The following MTDH variants were observed in gnomAD, a reference collection of about 807,000 sequenced individuals.
MTDH encodes metadherin, also known as protein LYRIC.
Under a neutral mutation model 72.7 loss-of-function variants are expected in MTDH, and 34 were observed. That is an observed-to-expected ratio of 0.47 (90% confidence interval 0.36 to 0.62). The LOEUF (loss-of-function observed/expected upper bound fraction) is 0.62, where lower values mean the gene tolerates loss of function less well. MTDH is among the 20% of genes least tolerant of loss of function. MTDH has a pLI of 0.00. For synonymous variants in MTDH, 266 were observed against 268.9 expected, an observed-to-expected ratio of 0.99 and a Z score of 0.10; for missense variants, 677 against 699.4, an observed-to-expected ratio of 0.97 and a Z score of 0.36.
chr8:97,651,821 T>C (rs546819612), intron 1 of MTDH, among the ~76,000 whole-genome samples: 1 of 152,262 alleles, frequency 6.6e-6, no homozygotes, highest in Admixed American at 6.5e-5. Flanking sequence ...TCTCAAACTT[T>C]TAACATCTCC....
rs534055622 is a variant in MTDH, at chr8:97,724,270, T to C, written c.1679-330T>C. 1.3e-5 allele frequency among the ~76,000 whole-genome samples: 2 copies of C among 152,320 alleles called. 1 individual carries two copies. The highest frequency in any genetic ancestry group is 3.9e-4 in the East Asian group (2 of 5,186). On this transcript the variant is annotated intron_variant, in intron 11 of 11. Transcript: ENST00000336273. The stretch of plus-strand genomic sequence containing the variant: ...ATTATTCTATGCTTTTTTTCCTCCT[T>C]TACTCTCTTCAGCTACCTTTAGTAT...
rs920277419 is a variant in MTDH at position 97,644,216 on chromosome 8, G to A, written c.-291G>A. The A allele has an allele frequency of 8.7e-5, 39 of 445,738 alleles. No homozygotes were observed. Among genetic ancestry groups the A allele is most frequent in the African/African-American group, 6.7e-4 (32 of 47,836 alleles). 27.6% of individuals were successfully genotyped at this position (445,738 alleles called of 1,614,324 possible). On this transcript the variant is annotated 5_prime_UTR_variant, in exon 1 of 12. Coordinates refer to ENST00000336273, the MANE Select transcript of MTDH (RefSeq NM_178812.4). ...CATTGTTCCGCCGAGGGAGGACAGC[G>A]GGGCCTGGCGCTGGCGCCGAGACGC...
Position 97,713,186 on chromosome 8 carries a change from G to A in MTDH, c.1273-476G>A, listed in dbSNP as rs1395771103. Among the ~76,000 whole-genome samples the A allele has an allele frequency of 3.9e-5, 6 of 152,220 alleles. No homozygotes were observed. The South Asian group carries it at 8.3e-4, about 21-fold the overall frequency. ...TGCAAGCTCCGCCTCCTGGGTTCAC[G>A]CCATTCTCCTGCTTTAGCCTCCCGA... On this transcript the variant is annotated intron_variant, in intron 8 of 11. Coordinates refer to ENST00000336273, the MANE Select transcript of MTDH (RefSeq NM_178812.4).
chr8:97,710,823 A>C (rs1814600197), intron 8 of MTDH, among the ~76,000 whole-genome samples: 1 of 152,090 alleles, frequency 6.6e-6, no homozygotes, highest in African/African-American at 2.4e-5. Context: ...AACAAGGTGA[A>C]ACCCCATCTC....
At chr8:97,709,160 C>CT (rs1814514756) in intron 8 of MTDH, among the ~76,000 whole-genome samples, 1 of 150,222 alleles carries the variant, frequency 6.7e-6, no homozygotes, top group African/African-American at 2.5e-5. Flanking sequence ...TGCCACTGCA[C>CT]TCCAGCCTGG....
At chr8:97,684,808 G>A (rs573041326) in intron 2 of MTDH, among the ~76,000 whole-genome samples, 2 of 152,298 alleles carry the variant, frequency 1.3e-5, no homozygotes, top group South Asian at 4.1e-4. Flanking sequence ...AGCAGCTCAC[G>A]CCTATAATCC....
chr8:97,653,640 T>C (rs1161250609), intron 1 of MTDH, among the ~76,000 whole-genome samples: 3 of 152,210 alleles, frequency 2.0e-5, no homozygotes, highest in Non-Finnish European at 4.4e-5. Flanking sequence ...ACATTCATTT[T>C]TGTTGTGCTT....
chr8:97,687,565 T>TA lies in MTDH; in HGVS notation c.706dup (p.Thr236AsnfsTer13). The TA allele has an allele frequency of 2.5e-6, 4 of 1,611,786 alleles. No individual in the cohort carries two copies. The highest frequency in any genetic ancestry group is 3.4e-6 in the Non-Finnish European group (4 of 1,179,106). On this transcript the variant is annotated frameshift_variant, in exon 4 of 12. Coordinates refer to ENST00000336273, the MANE Select transcript of MTDH (RefSeq NM_178812.4). LOFTEE classifies it high-confidence loss of function. ...CCATCACAGTTACCACCGAGCAACT[T>TA]ACAACCGCATCATTTCCTGTTGGTT...
chr8:97,718,794 T>A (rs1814985048), intron 9 of MTDH, among the ~76,000 whole-genome samples: 1 of 151,802 alleles, frequency 6.6e-6, no homozygotes, highest in Non-Finnish European at 1.5e-5. Context: ...TCTCTCAGGC[T>A]CAAGTAGTCC....
intron 2 of MTDH, 49 bp downstream of exon 2, chr8:97,661,222 A>T (rs777683435): frequency 1.5e-6 from 2 of 1,307,722 alleles, no homozygotes; most frequent in Admixed American, 3.9e-5. Context: ...TAATAGAATG[A>T]CATATAAGGA....
intron 9 of MTDH, among the ~76,000 whole-genome samples, chr8:97,714,076 C>A (rs1814748624): frequency 6.6e-6 from 1 of 151,970 alleles, no homozygotes; most frequent in Admixed American, 6.6e-5. Context: ...ACAAAAATTC[C>A]TTTTGAGTAA....
intron 8 of MTDH, among the ~76,000 whole-genome samples, 170 bp downstream of exon 8, chr8:97,706,920 AAAAAT>A (rs1483881029): frequency 1.3e-5 from 2 of 152,148 alleles, no homozygotes; most frequent in Non-Finnish European, 2.9e-5. Context: ...CTCTATTTAT[AAAAAT>A]AAAATAAAGC....
chr8:97,686,698 G>A lies in MTDH; in HGVS notation c.514G>A (p.Asp172Asn), dbSNP rs1471494393. The change falls in exon 3 of 12, where the codon GAT becomes AAT. Residue 172 changes from aspartate (D) to asparagine (N), a missense_variant. Physicochemically the swap from Asp to Asn is conservative, Grantham distance 23. This residue lies in a region of MTDH where 467 missense variants were observed against 469.1 expected (regional missense o/e 1.00). Transcript: ENST00000336273. ...SKKNKKKSKSDAKAVQNSSRH... is the reference protein window; with the variant it reads ...SKKNKKKSKSNAKAVQNSSRH... ...GAAAAATAAGAAGAAATCAAAGTCA[G>A]ATGCTAAAGCAGTGCAAAACAGTTC... 11 of 1,580,642 alleles carry A rather than the reference G, an allele frequency of 7.0e-6. No homozygotes were observed. Among genetic ancestry groups the A allele is most frequent in the Non-Finnish European group, 9.4e-6 (11 of 1,165,608 alleles).
chr8:97,644,847 A>C lies in MTDH; in HGVS notation c.341A>C (p.Gln114Pro). 1 of 1,573,876 alleles carries C rather than the reference A, an allele frequency of 6.4e-7. No homozygotes were observed. The highest frequency in any genetic ancestry group is 8.6e-7 in the Non-Finnish European group (1 of 1,167,742). The change falls in exon 1 of 12, where the codon CAG becomes CCG. Residue 114 changes from glutamine (Q) to proline (P), a missense_variant. Gln to Pro is a moderately conservative substitution (Grantham distance 76). This residue lies in a region of MTDH where 467 missense variants were observed against 469.1 expected (regional missense o/e 1.00). Transcript: ENST00000336273. ...ALLKNLRSEE[Q>P]KKKNRKKLSE... ...CTGAAGAATCTCCGGAGCGAGGAAC[A>C]GAAGAAGAAGAACCGGAAGAAACTG...
chr8:97,694,743 T>A (rs553213634), intron 6 of MTDH, among the ~76,000 whole-genome samples: 1 of 151,836 alleles, frequency 6.6e-6, no homozygotes, highest in East Asian at 2.0e-4. Context: ...GGCAACATGG[T>A]GAAACCTTGT....
chr8:97,667,465 A>T (rs148734811), intron 2 of MTDH, among the ~76,000 whole-genome samples: 2 of 152,250 alleles, frequency 1.3e-5, no homozygotes, highest in Admixed American at 1.3e-4. Flanking sequence ...ATGAAGACTG[A>T]TGATTGTCTT....
chr8:97,677,846 T>C (rs1444307433), intron 2 of MTDH, among the ~76,000 whole-genome samples: 2 of 152,212 alleles, frequency 1.3e-5, no homozygotes, highest in Admixed American at 6.5e-5. Context: ...GACAAAATTT[T>C]ACTGAATTTA....
In MTDH at chr8:97,683,045, CTTTTTTTTTTTTTTTTTTTT is replaced by C. The variant is rs71271144; in HGVS notation, c.484-3605_484-3586del. On this transcript the variant is annotated intron_variant, in intron 2 of 11. Coordinates refer to ENST00000336273, the MANE Select transcript of MTDH (RefSeq NM_178812.4). The stretch of plus-strand genomic sequence containing the variant: ...CTTTACCCTATGATGCTCTTAGACA[CTTTTTTTTTTTTTTTTTTTT>C]TTTTTTTTTTTTTTTTTGAGATGGA... 5.1e-3 allele frequency among the ~76,000 whole-genome samples: 227 copies of C among 44,382 alleles called. 4 individuals carry two copies. The highest frequency in any genetic ancestry group is 0.013 in the African/African-American group (156 of 12,030). 29.1% of individuals were successfully genotyped at this position (44,382 alleles called of 152,430 possible).
intron 2 of MTDH, among the ~76,000 whole-genome samples, chr8:97,675,663 A>G (rs565575824): frequency 2.0e-5 from 3 of 152,188 alleles, no homozygotes; most frequent in Admixed American, 2.0e-4. Flanking sequence ...CTTGAGCTCA[A>G]GAGTTCGAAA....
Sources: gnomAD v4.1 joint callset for allele counts (sites outside exome capture counted in the v4.1 genomes callset) on GRCh38, gnomAD v4.1.1 for gene constraint, gnomAD v4.1.1 regional missense constraint, MANE v1.5 for transcripts, NCBI Gene and HGNC (gene_info 2026-07-23, HGNC 2026-07-21) for gene names.